The following RANBP17 variants were observed in gnomAD, a reference collection of about 807,000 sequenced individuals.
RANBP17 encodes the protein ran-binding protein 17.
RANBP17 carries 158 observed loss-of-function variants against 141.2 expected under a neutral mutation model. The ratio of observed to expected loss-of-function variants is 1.12; its 90% CI spans 0.98 to 1.28. The LOEUF (loss-of-function observed/expected upper bound fraction) is 1.28. Ranked by LOEUF, RANBP17 falls within the 50% of genes most tolerant of loss-of-function variation. RANBP17 has a pLI of 0.00. For synonymous variants in RANBP17, 430 were observed against 450.0 expected, an observed-to-expected ratio of 0.96 and a Z score of 0.56; for missense variants, 1,438 against 1,290.7, an observed-to-expected ratio of 1.11 and a Z score of -1.75.
chr5:171,158,864 C>A (rs895096690), intron 14 of RANBP17, among the ~76,000 whole-genome samples: 1 of 152,166 alleles, frequency 6.6e-6, no homozygotes, highest in African/African-American at 2.4e-5. Flanking sequence ...TACTCTCTAA[C>A]CTTCCTAAAG....
intron 14 of RANBP17, chr5:171,158,257 C>G (rs1463082342): frequency 1.1e-5 from 2 of 176,468 alleles, no homozygotes; most frequent in African/African-American, 4.7e-5. Context: ...TTTATCTCCC[C>G]ATAATGTTTC....
chr5:170,933,601 C>G (rs2127461991), intron 12 of RANBP17, among the ~76,000 whole-genome samples: 1 of 152,302 alleles, frequency 6.6e-6, no homozygotes, highest in East Asian at 1.9e-4. Context: ...CCCAGAGATT[C>G]TGATATGTTG....
chr5:171,062,982 A>T lies in RANBP17; in HGVS notation c.1710+94605A>T, dbSNP rs1385388174. 3.3e-5 allele frequency among the ~76,000 whole-genome samples: 5 copies of T among 151,970 alleles called. No homozygotes were observed. In the South Asian group the frequency reaches 1.0e-3, roughly 32 times the overall value. ...CCTGAGGCTTCTGCATTCTTCACGT[A>T]GTTCTCGAGCCTTGGCTTTCAGCTC... is the stretch of plus-strand genomic sequence containing the variant. On this transcript the variant is annotated intron_variant, in intron 14 of 27. Transcript: ENST00000523189.
intron 12 of RANBP17, among the ~76,000 whole-genome samples, chr5:170,925,779 T>G (rs944623803): frequency 1.3e-4 from 12 of 92,718 alleles, no homozygotes; most frequent in African/African-American, 3.1e-4. Context: ...CTCAACGTTA[T>G]ACAAATGGAA....
intron 14 of RANBP17, among the ~76,000 whole-genome samples, chr5:171,086,742 T>C (rs1354046959): frequency 4.0e-5 from 6 of 149,002 alleles, no homozygotes; most frequent in African/African-American, 1.5e-4. Context: ...TTTTCTAGTT[T>C]ATTTGCGTAG....
intron 14 of RANBP17, among the ~76,000 whole-genome samples, chr5:171,018,824 T>G (rs1256239713): frequency 1.3e-5 from 2 of 152,200 alleles, no homozygotes; most frequent in Non-Finnish European, 2.9e-5. Flanking sequence ...AGGATATCCT[T>G]GTCTTGTGCC....
rs150658262 is a variant in RANBP17, at chr5:171,270,546, C to T, written c.2943+4699C>T. On this transcript the variant is annotated intron_variant, in intron 25 of 27. Transcript: ENST00000523189. ...AAGACACTGATCTGCTACAATAATT[C>T]GGAAGACAACATTTCTATGTGAAAT... is the stretch of plus-strand genomic sequence containing the variant. 3.3e-5 allele frequency among the ~76,000 whole-genome samples: 5 copies of T among 152,202 alleles called. No homozygotes were observed. In the East Asian group the frequency reaches 5.8e-4, roughly 18 times the overall value.
chr5:171,295,167 C>T (rs549766050), intron 26 of RANBP17, among the ~76,000 whole-genome samples: 6 of 152,210 alleles, frequency 3.9e-5, no homozygotes, highest in African/African-American at 1.4e-4. Flanking sequence ...AAAATGTTGT[C>T]TTTGTGCTGA....
At position 170,863,847 on chromosome 5, in the gene RANBP17, C is replaced by G. The variant is rs570301478; in HGVS notation, c.18+1796C>G. ...TTTTGCAGGAATGTACTTCACAGTA[C>G]ATTCCAACATAAGTACTTCACAGTA... On this transcript the variant is annotated intron_variant, in intron 1 of 27. Transcript: ENST00000523189. Among the ~76,000 whole-genome samples the G allele has an allele frequency of 1.3e-4, 19 of 150,758 alleles. No homozygotes were observed. The East Asian group carries it at 1.5e-3, about 12-fold the overall frequency.
At chr5:170,867,461 GA>G (rs1767355087) in intron 1 of RANBP17, among the ~76,000 whole-genome samples, 3 of 152,092 alleles carry the variant, frequency 2.0e-5, no homozygotes, top group Admixed American at 2.0e-4. Flanking sequence ...TTTATTTTAA[GA>G]AGGAAGAATT....
At chr5:171,150,151 G>A (rs1439526248) in intron 14 of RANBP17, among the ~76,000 whole-genome samples, 1 of 152,070 alleles carries the variant, frequency 6.6e-6, no homozygotes, top group African/African-American at 2.4e-5. Flanking sequence ...AAGTAGTTGG[G>A]AATTTTTCAC....
At chr5:171,221,366 A>G (rs1271043121) in intron 21 of RANBP17, among the ~76,000 whole-genome samples, 2 of 152,222 alleles carry the variant, frequency 1.3e-5, no homozygotes, top group African/African-American at 4.8e-5. Context: ...CAGGCACTGT[A>G]GGAAATCTCA....
chr5:171,158,814 A>G (rs896066958), intron 14 of RANBP17, among the ~76,000 whole-genome samples: 3 of 152,108 alleles, frequency 2.0e-5, no homozygotes, highest in Admixed American at 2.0e-4. Flanking sequence ...ATGGGCTGTC[A>G]TACCACACTT....
rs370493540 is a variant in RANBP17 at position 171,143,839 on chromosome 5, C to G, written c.1711-26291C>G. Among the ~76,000 whole-genome samples the G allele has an allele frequency of 3.9e-5, 6 of 152,174 alleles. No individual in the cohort carries two copies. In the East Asian group the frequency reaches 1.2e-3, roughly 29 times the overall value. On this transcript the variant is annotated intron_variant, in intron 14 of 27. Transcript: ENST00000523189. Reference sequence around the variant, plus strand: ...GTCTTAAAGATGGAGATGATTTTGCCAGGTTGAAAAGGAGAGGATAATTAT... The same window carrying G: ...GTCTTAAAGATGGAGATGATTTTGCGAGGTTGAAAAGGAGAGGATAATTAT...
At chr5:171,063,104 A>G (rs1784020743) in intron 14 of RANBP17, among the ~76,000 whole-genome samples, 1 of 152,098 alleles carries the variant, frequency 6.6e-6, no homozygotes, top group Non-Finnish European at 1.5e-5. Flanking sequence ...CTTTGGTTTG[A>G]ATTTCCTCTT....
intron 12 of RANBP17, among the ~76,000 whole-genome samples, chr5:170,937,481 G>A (rs1181564876): frequency 6.6e-6 from 1 of 152,096 alleles, no homozygotes; most frequent in Non-Finnish European, 1.5e-5. Context: ...CTAAATTTCA[G>A]CCTTCATATT....
intron 16 of RANBP17, among the ~76,000 whole-genome samples, chr5:171,174,132 A>G (rs186208949): frequency 7.2e-5 from 11 of 152,306 alleles, no homozygotes; most frequent in African/African-American, 2.6e-4. Context: ...CCTTTTTGAC[A>G]GAAAGTTAAT....
chr5:171,273,690 T>G (rs1767277662), intron 25 of RANBP17, among the ~76,000 whole-genome samples: 1 of 152,170 alleles, frequency 6.6e-6, no homozygotes, highest in Non-Finnish European at 1.5e-5. Context: ...GCTTTCCACT[T>G]CTGTAGTATA....
chr5:170,904,015 C>A, intron 5 of RANBP17: 1 of 478,142 alleles, frequency 2.1e-6, no homozygotes, highest in Non-Finnish European at 4.1e-6. Context: ...TTTTCAAATG[C>A]CTTTAGTAAA....
Sources: gnomAD v4.1 joint callset for allele counts (sites outside exome capture counted in the v4.1 genomes callset) on GRCh38, gnomAD v4.1.1 for gene constraint, MANE v1.5 for transcripts, NCBI Gene and HGNC (gene_info 2026-07-23, HGNC 2026-07-21) for gene names.